Variants in PLD5 observed in about 807,000 individuals in gnomAD.
The protein encoded by PLD5 is phospholipase D family member 5.
Under a neutral mutation model 61.1 loss-of-function variants are expected in PLD5, and 36 were observed. That is an observed-to-expected ratio of 0.59 (90% CI 0.45 to 0.78). The LOEUF (loss-of-function observed/expected upper bound fraction) is 0.78. Ranked by LOEUF, PLD5 falls within the 30% of genes least tolerant of loss-of-function variation. The pLI is 0.00. For missense variants in PLD5, 515 were observed against 644.4 expected, an observed-to-expected ratio of 0.80 and a Z score of 2.17; for synonymous variants, 243 against 242.8, an observed-to-expected ratio of 1.00 and a Z score of -0.01.
chr1:242,316,340 A>C (rs577651149), intron 2 of PLD5, among the ~76,000 whole-genome samples: 40 of 152,306 alleles, frequency 2.6e-4, no homozygotes, highest in African/African-American at 9.1e-4. Flanking sequence ...CTCCTTCAGG[A>C]AACAGTGTGC....
intron 5 of PLD5, among the ~76,000 whole-genome samples, chr1:242,205,239 A>G: frequency 6.6e-6 from 1 of 152,210 alleles, no homozygotes; most frequent in South Asian, 2.1e-4. Flanking sequence ...GTTAGGAAAC[A>G]CAAATAGGAG....
In PLD5 at chr1:242,394,279, T is replaced by A. The variant is rs189744315; in HGVS notation, c.190-46037A>T. Among the ~76,000 whole-genome samples the A allele has an allele frequency of 1.2e-4, 11 of 92,596 alleles. 1 individual carries two copies. The highest frequency in any genetic ancestry group is 5.8e-4 in the East Asian group (2 of 3,430). The allele number at this position is 92,596 out of a possible 152,430, so 60.7% of individuals were successfully genotyped here. Reference sequence around the variant, plus strand: ...ATATATGAGTATGAGTATATATATGTGTATATATATGAGTATATATATGAG... The same window carrying A: ...ATATATGAGTATGAGTATATATATGAGTATATATATGAGTATATATATGAG... On this transcript the variant is annotated intron_variant, in intron 1 of 9. Coordinates refer to ENST00000536534, the MANE Select transcript of PLD5 (RefSeq NM_001372062.1).
At chr1:242,414,135 G>T (rs1250905456) in intron 1 of PLD5, among the ~76,000 whole-genome samples, 2 of 152,182 alleles carry the variant, frequency 1.3e-5, no homozygotes, top group Non-Finnish European at 2.9e-5. Context: ...CGCATGAGAA[G>T]GCTTTGAGAA....
intron 2 of PLD5, among the ~76,000 whole-genome samples, chr1:242,323,726 A>T (rs1260865222): frequency 6.6e-6 from 1 of 152,126 alleles, no homozygotes; most frequent in African/African-American, 2.4e-5. Flanking sequence ...ACATTTAAAC[A>T]TTTTATTTTT....
chr1:242,227,094 T>A lies in PLD5; in HGVS notation c.608-6979A>T, dbSNP rs996909015. On this transcript the variant is annotated intron_variant, in intron 4 of 9. Coordinates refer to ENST00000536534, the MANE Select transcript of PLD5 (RefSeq NM_001372062.1). ...CCAAGACTTTCTAGCATTAAACTTGTTTATCATAGATCTGTTCCAAATCCC... is the reference window on the plus strand; with the variant it reads ...CCAAGACTTTCTAGCATTAAACTTGATTATCATAGATCTGTTCCAAATCCC... Among the ~76,000 whole-genome samples the A allele has an allele frequency of 3.3e-5, 5 of 152,222 alleles. No individual in the cohort carries two copies. The East Asian group carries it at 9.6e-4, about 29-fold the overall frequency.
chr1:242,484,129 C>G (rs1169636116), intron 1 of PLD5, among the ~76,000 whole-genome samples: 1 of 152,106 alleles, frequency 6.6e-6, no homozygotes, highest in African/African-American at 2.4e-5. Context: ...AATTGACACC[C>G]TAACATCACA....
intron 2 of PLD5, among the ~76,000 whole-genome samples, chr1:242,315,432 A>T (rs1676948730): frequency 1.3e-5 from 2 of 152,176 alleles, no homozygotes; most frequent in African/African-American, 4.8e-5. Context: ...AATGATTTAA[A>T]AATTATGCTA....
At chr1:242,140,381 T>A (rs982461026) in intron 5 of PLD5, among the ~76,000 whole-genome samples, 3 of 152,226 alleles carry the variant, frequency 2.0e-5, no homozygotes, top group African/African-American at 7.2e-5. Context: ...CTGTGGCTCA[T>A]GCCTGTAATC....
At chr1:242,169,141 T>A (rs896264423) in intron 5 of PLD5, among the ~76,000 whole-genome samples, 1 of 151,834 alleles carries the variant, frequency 6.6e-6, no homozygotes, top group African/African-American at 2.4e-5. Flanking sequence ...AAAAAGGGTA[T>A]GGCTGGAAAG....
At chr1:242,328,037 C>T (rs535013959) in intron 2 of PLD5, among the ~76,000 whole-genome samples, 13 of 152,028 alleles carry the variant, frequency 8.6e-5, no homozygotes, top group Middle Eastern at 6.8e-3. Flanking sequence ...GTTGCACCAC[C>T]GCACTCCAGC....
intron 4 of PLD5, among the ~76,000 whole-genome samples, chr1:242,247,683 G>T (rs1328488460): frequency 6.6e-6 from 1 of 152,116 alleles, no homozygotes; most frequent in Non-Finnish European, 1.5e-5. Flanking sequence ...TTTTTTGGGG[G>T]TCCCCTTGGC....
rs1323285422 is a variant in PLD5, at chr1:242,406,606, T to C, written c.190-58364A>G. On this transcript the variant is annotated intron_variant, in intron 1 of 9. Transcript: ENST00000536534. ...TTTTGATAAACAAGCTAGGAAAACC[T>C]GGAAAAGTTGCAGAGAAACCAGCTC... 2.0e-5 allele frequency among the ~76,000 whole-genome samples: 3 copies of C among 152,316 alleles called. No individual in the cohort carries two copies. The East Asian group carries it at 5.8e-4, about 29-fold the overall frequency.
intron 4 of PLD5, among the ~76,000 whole-genome samples, chr1:242,236,438 A>G (rs375681554): frequency 1.3e-5 from 2 of 152,330 alleles, no homozygotes; most frequent in African/African-American, 4.8e-5. Context: ...AAAGTTTTAC[A>G]TAGCTTTTTT....
chr1:242,156,365 T>C (rs1038473812), intron 5 of PLD5, among the ~76,000 whole-genome samples: 2 of 152,210 alleles, frequency 1.3e-5, no homozygotes, highest in East Asian at 1.9e-4. Context: ...AAAGTTAATA[T>C]TGTTATGTGT....
rs139734070 is a variant in PLD5, at chr1:242,522,128, A to G, written c.189+1960T>C. Among the ~76,000 whole-genome samples, 317 of 152,338 alleles carry G rather than the reference A, an allele frequency of 2.1e-3. 3 individuals carry two copies. The highest frequency in any genetic ancestry group is 0.012 in the East Asian group (63 of 5,190). On this transcript the variant is annotated intron_variant, in intron 1 of 9. Transcript: ENST00000536534. ...ATTGAAAGGGTGTGTAGAGAAAAAC[A>G]TCAGAATAGATATATGCATCTCTCA...
In PLD5 at chr1:242,287,109, C is replaced by A. The variant is rs1401673013; in HGVS notation, c.495+1253G>T. Among the ~76,000 whole-genome samples, 5 of 152,234 alleles carry A rather than the reference C, an allele frequency of 3.3e-5. No homozygotes were observed. In the South Asian group the frequency reaches 8.3e-4, roughly 25 times the overall value. On this transcript the variant is annotated intron_variant, in intron 3 of 9. Coordinates refer to ENST00000536534, the MANE Select transcript of PLD5 (RefSeq NM_001372062.1). ...AGCTCTTTGCCTTCTGAGGATCCAA[C>A]CACCATGTAAAGAGCTCAAGATGAT... is the stretch of plus-strand genomic sequence containing the variant.
At chr1:242,342,933 G>A (rs1250726935) in intron 2 of PLD5, among the ~76,000 whole-genome samples, 3 of 152,042 alleles carry the variant, frequency 2.0e-5, no homozygotes, top group East Asian at 3.9e-4. Flanking sequence ...ATACAAAGGG[G>A]GGAAGAAATA....
chr1:242,176,674 A>G (rs563809911), intron 5 of PLD5, among the ~76,000 whole-genome samples: 18 of 152,370 alleles, frequency 1.2e-4, no homozygotes, highest in African/African-American at 4.3e-4. Flanking sequence ...AAATTTTTGC[A>G]ATCTATCCAT....
In PLD5 at chr1:242,288,521, C is replaced by G. The variant is rs760675048; in HGVS notation, c.336G>C (p.Leu112=). 4.4e-6 allele frequency: 7 copies of G among 1,585,120 alleles called. No homozygotes were observed. Among genetic ancestry groups the G allele is most frequent in the Non-Finnish European group, 6.0e-6 (7 of 1,170,494 alleles). The change falls in exon 3 of 10, where the codon CTG becomes CTC. Residue 112 remains leucine (L), a synonymous_variant. Coordinates refer to ENST00000536534, the MANE Select transcript of PLD5 (RefSeq NM_001372062.1). ...TAAGGCCTTCAGGAATATTTTCCAC[C>G]AGGGCAATTCTTAGAAAAGATTTTG... ...KNCQNKCRIA[L]VENIPEGLNY...
Sources: gnomAD v4.1 joint callset for allele counts (sites outside exome capture counted in the v4.1 genomes callset) on GRCh38, gnomAD v4.1.1 for gene constraint, MANE v1.5 for transcripts, NCBI Gene and HGNC (gene_info 2026-07-23, HGNC 2026-07-21) for gene names.